RANBP10: variants seen among roughly 807,000 people sequenced by gnomAD.
The protein encoded by RANBP10 is ran-binding protein 10.
In RANBP10, 24 loss-of-function variants were observed where a neutral mutation model predicts 72.8. That is an observed-to-expected ratio of 0.33 (90% confidence interval 0.24 to 0.46). The LOEUF is 0.46. RANBP10 is among the 20% of genes least tolerant of loss of function. The probability of loss-of-function intolerance (pLI) is 1.00; values close to 1 mark genes in which losing one functional copy is unlikely to be tolerated. For synonymous variants in RANBP10, 310 were observed against 322.3 expected, an observed-to-expected ratio of 0.96 and a Z score of 0.41; for missense variants, 679 against 817.5, an observed-to-expected ratio of 0.83 and a Z score of 2.07.
chr16:67,732,481 T>G (rs974521443), intron 6 of RANBP10, among the ~76,000 whole-genome samples: 1 of 152,126 alleles, frequency 6.6e-6, no homozygotes, highest in African/African-American at 2.4e-5. Context: ...GGTTGTCAGG[T>G]GGAAGGCACA....
At chr16:67,783,378 G>C (rs997594504) in intron 2 of RANBP10, among the ~76,000 whole-genome samples, 2 of 152,122 alleles carry the variant, frequency 1.3e-5, no homozygotes, top group Non-Finnish European at 1.5e-5. Flanking sequence ...ACCCAGTCCT[G>C]ATAACAAGTT....
intron 2 of RANBP10, among the ~76,000 whole-genome samples, chr16:67,779,455 A>T (rs1382149011): frequency 1.3e-5 from 2 of 151,982 alleles, no homozygotes; most frequent in African/African-American, 4.8e-5. Context: ...AGCTGCCAAG[A>T]ATGAGACAAA....
chr16:67,726,387 G>A lies in RANBP10; in HGVS notation c.*41C>T. On this transcript the variant is annotated 3_prime_UTR_variant, in exon 14 of 14. Coordinates refer to ENST00000317506, the MANE Select transcript of RANBP10 (RefSeq NM_020850.3). ...GGAGGGCAGGGCAGCTCCAGCCCTG[G>A]GGCCAGTGGAGGGCCAGCCAGAGCC... is the stretch of plus-strand genomic sequence containing the variant. The A allele has an allele frequency of 1.2e-6, 2 of 1,609,400 alleles. No homozygotes were observed. The highest frequency in any genetic ancestry group is 2.2e-5 in the South Asian group (2 of 90,504).
At chr16:67,739,127 T>C (rs1311573251) in intron 4 of RANBP10, 1 of 151,948 alleles carries the variant, frequency 6.6e-6, no homozygotes, top group East Asian at 1.9e-4. Context: ...GCCCGGCTAA[T>C]ATATATTTTT....
intron 6 of RANBP10, among the ~76,000 whole-genome samples, chr16:67,732,235 G>C (rs1186403271): frequency 6.6e-6 from 1 of 152,222 alleles, no homozygotes; most frequent in Non-Finnish European, 1.5e-5. Context: ...GATTTTGCCA[G>C]GCAGAGATAG....
chr16:67,775,399 C>T (rs964991821), intron 2 of RANBP10, among the ~76,000 whole-genome samples: 2 of 152,092 alleles, frequency 1.3e-5, no homozygotes, highest in African/African-American at 4.8e-5. Context: ...CTGCTTTCAC[C>T]ACTTCTATTC....
chr16:67,748,624 A>T (rs2054135214), intron 3 of RANBP10, among the ~76,000 whole-genome samples: 1 of 152,080 alleles, frequency 6.6e-6, no homozygotes, highest in South Asian at 2.1e-4. Context: ...GGCTGGTCTC[A>T]AACTCCTGGC....
At chr16:67,758,265 G>A (rs1407724705) in intron 3 of RANBP10, among the ~76,000 whole-genome samples, 1 of 152,234 alleles carries the variant, frequency 6.6e-6, no homozygotes, top group Non-Finnish European at 1.5e-5. Flanking sequence ...AGCTGGCTCT[G>A]TAACCCATAC....
intron 3 of RANBP10, among the ~76,000 whole-genome samples, chr16:67,768,261 T>C (rs761454957): frequency 1.6e-4 from 25 of 151,538 alleles, no homozygotes; most frequent in Non-Finnish European, 2.5e-4. Flanking sequence ...TGCCTCACGT[T>C]GTAATCTTAC....
intron 5 of RANBP10, among the ~76,000 whole-genome samples, chr16:67,737,207 T>C (rs1157096411): frequency 7.2e-6 from 1 of 138,324 alleles, no homozygotes; most frequent in East Asian, 2.0e-4. Context: ...TTTTTTTTTT[T>C]TTTTTTTTTT....
At chr16:67,764,168 G>A (rs145195015) in intron 3 of RANBP10, among the ~76,000 whole-genome samples, 33 of 152,272 alleles carry the variant, frequency 2.2e-4, no homozygotes, top group African/African-American at 7.7e-4. Context: ...AGTTCTTGTT[G>A]GTTTCAAACA....
At chr16:67,744,075 T>G (rs2143005838) in intron 4 of RANBP10, 1 of 983,868 alleles carries the variant, frequency 1.0e-6, no homozygotes, top group East Asian at 1.1e-4. Context: ...CTCAGCATCC[T>G]CCCTGGGCTG....
chr16:67,746,690 T>C (rs1287400126), intron 3 of RANBP10, among the ~76,000 whole-genome samples: 20 of 152,204 alleles, frequency 1.3e-4, no homozygotes, highest in Admixed American at 1.3e-3. Flanking sequence ...GGAGTCAATT[T>C]GTTCCATCCA....
At chr16:67,756,841 C>A (rs1181420532) in intron 3 of RANBP10, among the ~76,000 whole-genome samples, 3 of 152,138 alleles carry the variant, frequency 2.0e-5, no homozygotes, top group Admixed American at 2.0e-4. Flanking sequence ...GCTCGAATCC[C>A]AATTCTGTCA....
chr16:67,797,390 C>G (rs1190220867), intron 2 of RANBP10, among the ~76,000 whole-genome samples: 1 of 152,230 alleles, frequency 6.6e-6, no homozygotes, highest in African/African-American at 2.4e-5. Flanking sequence ...GGCCACAGGC[C>G]AGGTGTGGTG....
chr16:67,746,375 G>C (rs1219210629), intron 3 of RANBP10, among the ~76,000 whole-genome samples: 1 of 151,888 alleles, frequency 6.6e-6, no homozygotes, highest in East Asian at 1.9e-4. Context: ...CAGCTACTCA[G>C]GAGGCTGAGG....
chr16:67,754,875 T>C (rs1021148289), intron 3 of RANBP10, among the ~76,000 whole-genome samples: 1 of 151,788 alleles, frequency 6.6e-6, no homozygotes, highest in African/African-American at 2.4e-5. Context: ...GAAGAGGGAG[T>C]AGGCATGGTT....
At chr16:67,755,207 C>T (rs2054265249) in intron 3 of RANBP10, among the ~76,000 whole-genome samples, 1 of 152,196 alleles carries the variant, frequency 6.6e-6, no homozygotes, top group Admixed American at 6.5e-5. Context: ...ACTTCTGCTT[C>T]AGAACTGGAC....
chr16:67,797,881 T>C (rs1194664044), intron 2 of RANBP10, among the ~76,000 whole-genome samples: 3 of 150,346 alleles, frequency 2.0e-5, no homozygotes, highest in African/African-American at 4.9e-5. Context: ...TCCCAGCTAC[T>C]CAAGAGTCTC....
Sources: gnomAD v4.1 joint callset for allele counts (sites outside exome capture counted in the v4.1 genomes callset) on GRCh38, gnomAD v4.1.1 for gene constraint, MANE v1.5 for transcripts, NCBI Gene and HGNC (gene_info 2026-07-23, HGNC 2026-07-21) for gene names.